YIPF4: variants seen among roughly 807,000 people sequenced by gnomAD.
YIPF4 encodes Yip1 domain family member 4, also known as protein YIPF4.
A neutral mutation model predicts 29.4 loss-of-function variants in YIPF4; 18 were observed. The ratio of observed to expected loss-of-function variants is 0.61; its 90% CI spans 0.42 to 0.91. The LOEUF (loss-of-function observed/expected upper bound fraction) is 0.91, where lower values mean the gene tolerates loss of function less well. YIPF4 is among the 40% of genes least tolerant of loss of function. YIPF4 has a pLI of 0.00. For synonymous variants in YIPF4, 115 were observed against 104.7 expected (o/e 1.10, Z -0.60); for missense variants, 279 against 282.7 (o/e 0.99, Z 0.09).
At chr2:32,291,241 A>G (rs2148961444) in intron 2 of YIPF4, among the ~76,000 whole-genome samples, 1 of 152,338 alleles carries the variant, frequency 6.6e-6, no homozygotes, top group South Asian at 2.1e-4. Flanking sequence ...TCATGTTAAT[A>G]CACCATATAT....
intron 1 of YIPF4, among the ~76,000 whole-genome samples, chr2:32,279,125 C>G (rs1415978062): frequency 1.3e-5 from 2 of 151,048 alleles, no homozygotes; most frequent in Non-Finnish European, 3.0e-5. Context: ...CCGCCACCAC[C>G]CCCGACTAAT....
Position 32,305,698 on chromosome 2 carries a change from T to C in YIPF4, c.*72T>C, listed in dbSNP as rs551358578. The C allele has an allele frequency of 1.5e-6, 2 of 1,342,984 alleles. No individual in the cohort carries two copies. Among genetic ancestry groups the C allele is most frequent in the East Asian group, 5.5e-5 (2 of 36,662 alleles). The allele number at this position is 1,342,984 out of a possible 1,614,324, so 83.2% of individuals were successfully genotyped here. ...AGGCTGGGAATTCTTGCTGAAGGAA[T>C]TGGAGAAAACCTGTTGCTGCAAAAT... is the stretch of plus-strand genomic sequence containing the variant. On this transcript the variant is annotated 3_prime_UTR_variant, in exon 6 of 6. Transcript: ENST00000238831.
chr2:32,297,837 A>G (rs896752509), intron 3 of YIPF4, among the ~76,000 whole-genome samples: 2 of 152,164 alleles, frequency 1.3e-5, no homozygotes, highest in African/African-American at 4.8e-5. Context: ...AATGGCTTCC[A>G]TATTCCATTA....
intron 3 of YIPF4, among the ~76,000 whole-genome samples, chr2:32,293,807 T>C (rs1316260053): frequency 7.2e-6 from 1 of 139,736 alleles, no homozygotes; most frequent in African/African-American, 2.7e-5. Flanking sequence ...GAGGCGCCCC[T>C]CACCTCCCGG....
At chr2:32,287,989 A>G (rs1056974299) in intron 1 of YIPF4, among the ~76,000 whole-genome samples, 6 of 152,228 alleles carry the variant, frequency 3.9e-5, no homozygotes, top group African/African-American at 1.4e-4. Context: ...CAACCAAGCT[A>G]GCTTGTTCTT....
intron 1 of YIPF4, among the ~76,000 whole-genome samples, chr2:32,286,766 G>A (rs901584938): frequency 5.3e-5 from 8 of 151,928 alleles, no homozygotes; most frequent in Admixed American, 1.3e-4. Flanking sequence ...GGATTGTCTC[G>A]ATCTCTTGAC....
At position 32,311,493 on chromosome 2, in the gene YIPF4, A is replaced by G. The variant is rs2031714338; in HGVS notation, c.*5867A>G. On this transcript the variant is annotated 3_prime_UTR_variant, in exon 6 of 6. Transcript: ENST00000238831. ...TTTCAACTTTTCTATTTTCAGCAAG[A>G]TATTTGCAAGTTTTTACTTTGAAGA... is the stretch of plus-strand genomic sequence containing the variant. 6.6e-6 allele frequency: 1 copy of G among 152,192 alleles called. No individual in the cohort carries two copies. The highest frequency in any genetic ancestry group is 1.5e-5 in the Non-Finnish European group (1 of 68,034). 9.4% of individuals were successfully genotyped at this position (152,192 alleles called of 1,614,324 possible).
Position 32,307,044 on chromosome 2 carries a change from G to T in YIPF4, c.*1418G>T. 9.1e-7 allele frequency: 1 copy of T among 1,101,818 alleles called. No homozygotes were observed. Among genetic ancestry groups the T allele is most frequent in the South Asian group, 1.5e-5 (1 of 68,312 alleles). The allele number at this position is 1,101,818 out of a possible 1,614,324, so 68.3% of individuals were successfully genotyped here. A position where few individuals can be genotyped will look rare whatever the true frequency, so the allele number is the denominator to read the frequency against. ...TTATTTTAAGCTGCAGAAAAAGTGT[G>T]GAGCACTTTTGAGCTAGAATAATGT... On this transcript the variant is annotated 3_prime_UTR_variant, in exon 6 of 6. Transcript: ENST00000238831.
At chr2:32,290,384 C>T in intron 1 of YIPF4, 99 bp from the exon 2 acceptor site, 1 of 923,508 alleles carries the variant, frequency 1.1e-6, no homozygotes, top group Non-Finnish European at 1.5e-6. Flanking sequence ...TCTTAGAGAT[C>T]TTCAAATGAT....
chr2:32,307,202 A>T lies in YIPF4; in HGVS notation c.*1576A>T. On this transcript the variant is annotated 3_prime_UTR_variant, in exon 6 of 6. Coordinates refer to ENST00000238831, the MANE Select transcript of YIPF4 (RefSeq NM_032312.4). The stretch of plus-strand genomic sequence containing the variant: ...CAGAAGCAGCAACCGTAAGATAAAC[A>T]TTTGTTACACTTAAGAAATTGCTGA... The T allele has an allele frequency of 3.4e-6, 4 of 1,174,920 alleles. No homozygotes were observed. The highest frequency in any genetic ancestry group is 4.5e-6 in the Non-Finnish European group (4 of 895,654). The allele number at this position is 1,174,920 out of a possible 1,614,324, so 72.8% of individuals were successfully genotyped here.
chr2:32,279,529 C>T (rs2030288507), intron 1 of YIPF4, among the ~76,000 whole-genome samples: 1 of 149,862 alleles, frequency 6.7e-6, no homozygotes, highest in Non-Finnish European at 1.5e-5. Flanking sequence ...TCCCGTGTAG[C>T]TGGGACTACA....
chr2:32,285,910 C>T (rs1349732710), intron 1 of YIPF4, among the ~76,000 whole-genome samples: 2 of 152,006 alleles, frequency 1.3e-5, no homozygotes, highest in Admixed American at 6.6e-5. Context: ...AAAATAATAT[C>T]CATATAGGTC....
At position 32,292,203 on chromosome 2, in the gene YIPF4, A is replaced by T; in HGVS notation, c.260A>T (p.Asp87Val). ...GAAGAATTGGACATTGATCTAAAGGATATTTACTACAAAATCCGATGTGTT... is the reference window on the plus strand; with the variant it reads ...GAAGAATTGGACATTGATCTAAAGGTTATTTACTACAAAATCCGATGTGTT... ...LLEELDIDLK[D>V]IYYKIRCVLM... The change falls in exon 3 of 6, where the codon GAT becomes GTT. Residue 87 changes from aspartate (D) to valine (V), a missense_variant. Physicochemically the swap from Asp to Val is radical, Grantham distance 152. Coordinates refer to ENST00000238831, the MANE Select transcript of YIPF4 (RefSeq NM_032312.4). 6.3e-7 allele frequency: 1 copy of T among 1,581,962 alleles called. No homozygotes were observed. The highest frequency in any genetic ancestry group is 8.6e-7 in the Non-Finnish European group (1 of 1,165,594).
intron 1 of YIPF4, among the ~76,000 whole-genome samples, chr2:32,285,816 C>T (rs184497076): frequency 1.8e-4 from 27 of 152,060 alleles, no homozygotes; most frequent in Admixed American, 8.5e-4. Context: ...CCACCGCACC[C>T]GGCTAATTTT....
intron 5 of YIPF4, among the ~76,000 whole-genome samples, chr2:32,302,984 T>G (rs1002961273): frequency 6.6e-6 from 1 of 152,214 alleles, no homozygotes; most frequent in Admixed American, 6.5e-5. Context: ...TGTCTGGTCT[T>G]CCGAGGTATC....
Position 32,282,858 on chromosome 2 carries a change from C to T in YIPF4, c.79+4624C>T, listed in dbSNP as rs917606721. On this transcript the variant is annotated intron_variant, in intron 1 of 5. Transcript: ENST00000238831. Reference sequence around the variant, plus strand: ...TTGGGAGGCCGAGGTGGGCGGATCACGAGGTCAGGAGATCAAGACCATCCT... The same window carrying T: ...TTGGGAGGCCGAGGTGGGCGGATCATGAGGTCAGGAGATCAAGACCATCCT... Among the ~76,000 whole-genome samples the T allele has an allele frequency of 4.5e-4, 69 of 151,862 alleles. 1 individual carries two copies. The highest frequency in any genetic ancestry group is 1.5e-3 in the African/African-American group (64 of 41,384).
At chr2:32,290,107 A>C (rs1052327176) in intron 1 of YIPF4, among the ~76,000 whole-genome samples, 4 of 152,186 alleles carry the variant, frequency 2.6e-5, no homozygotes, top group African/African-American at 9.7e-5. Flanking sequence ...TTATTCAGTT[A>C]CTTTGTTCTG....
chr2:32,281,914 A>AAAATT (rs58034160), intron 1 of YIPF4, among the ~76,000 whole-genome samples: 10,800 of 145,300 alleles, frequency 0.074, 572 homozygotes, highest in Admixed American at 0.12. Flanking sequence ...AAAAAAAAAA[A>AAAATT]AGGCAACCAT....
intron 4 of YIPF4, among the ~76,000 whole-genome samples, chr2:32,300,135 A>G (rs567371911): frequency 2.0e-5 from 3 of 151,534 alleles, no homozygotes; most frequent in African/African-American, 4.8e-5. Context: ...ATGTGGTGGC[A>G]CATGCCTGCA....
Sources: gnomAD v4.1 joint callset for allele counts (sites outside exome capture counted in the v4.1 genomes callset) on GRCh38, gnomAD v4.1.1 for gene constraint, MANE v1.5 for transcripts, NCBI Gene and HGNC (gene_info 2026-07-23, HGNC 2026-07-21) for gene names.